CTNND2: variants seen among roughly 807,000 people sequenced by gnomAD.
CTNND2 encodes the protein catenin delta-2.
Under a neutral mutation model 144.4 loss-of-function variants are expected in CTNND2, and 22 were observed. The observed-to-expected ratio is 0.15, with a 90% CI of 0.11 to 0.22. CTNND2 has a LOEUF of 0.22. Among genes scored for constraint, CTNND2 ranks in the 10% least tolerant of loss-of-function variants. CTNND2 has a pLI of 1.00. For missense variants in CTNND2, 1,353 were observed against 1,618.8 expected, an observed-to-expected ratio of 0.84 and a Z score of 2.82; for synonymous variants, 751 against 695.6, an observed-to-expected ratio of 1.08 and a Z score of -1.25.
chr5:11,274,593 T>TA (rs1342034631), intron 9 of CTNND2, among the ~76,000 whole-genome samples: 24 of 150,594 alleles, frequency 1.6e-4, no homozygotes, highest in South Asian at 8.4e-4. Flanking sequence ...TTTTTTTTTT[T>TA]AAAAAGGCAA....
At chr5:11,361,108 T>C (rs574937051) in intron 8 of CTNND2, among the ~76,000 whole-genome samples, 40 of 152,186 alleles carry the variant, frequency 2.6e-4, no homozygotes, top group African/African-American at 8.7e-4. Flanking sequence ...GCAACCTCCA[T>C]CTCCTGGCTT....
chr5:11,154,551 T>C (rs1183093987), intron 12 of CTNND2, among the ~76,000 whole-genome samples: 1 of 152,192 alleles, frequency 6.6e-6, no homozygotes. Context: ...CTCTGAGTTG[T>C]CTATCTCCTC....
intron 9 of CTNND2, among the ~76,000 whole-genome samples, chr5:11,307,757 A>G (rs1750401695): frequency 6.6e-6 from 1 of 152,220 alleles, no homozygotes; most frequent in South Asian, 2.1e-4. Flanking sequence ...TTAGACTCAT[A>G]GTGCTGCCTG....
In CTNND2 at chr5:11,657,046, T is replaced by C. The variant is rs111354681; in HGVS notation, c.174+75090A>G. Among the ~76,000 whole-genome samples the C allele has an allele frequency of 9.1e-3, 1,384 of 152,190 alleles. 12 individuals are homozygous for C. Among genetic ancestry groups the C allele is most frequent in the Non-Finnish European group, 0.015 (1,031 of 68,002 alleles). ...GACCAAGAAAATAAAACTTGAAGAA[T>C]GTGTCTCAACAGCTTGTAAGTCAAG... On this transcript the variant is annotated intron_variant, in intron 2 of 21. Transcript: ENST00000304623.
chr5:11,546,036 G>C (rs1248031008), intron 3 of CTNND2, among the ~76,000 whole-genome samples: 4 of 152,088 alleles, frequency 2.6e-5, no homozygotes, highest in Non-Finnish European at 5.9e-5. Flanking sequence ...TTGAAAACAT[G>C]ATGCTAAGTG....
chr5:11,742,093 G>T lies in CTNND2; in HGVS notation c.38-9821C>A, dbSNP rs1302972792. On this transcript the variant is annotated intron_variant, in intron 1 of 21. Transcript: ENST00000304623. ...TGAGGGATAAAAGACTACACATTGG[G>T]TACAGTGTATACTGCTTGGGTGATG... Among the ~76,000 whole-genome samples the T allele has an allele frequency of 2.6e-5, 4 of 152,026 alleles. No homozygotes were observed. The East Asian group carries it at 7.7e-4, about 29-fold the overall frequency.
chr5:11,575,874 C>T (rs1016131577), intron 2 of CTNND2, among the ~76,000 whole-genome samples: 1 of 152,086 alleles, frequency 6.6e-6, no homozygotes, highest in Non-Finnish European at 1.5e-5. Context: ...TTTCTCTGAA[C>T]AAGCTCATCC....
At chr5:11,784,212 G>T (rs1386852309) in intron 1 of CTNND2, among the ~76,000 whole-genome samples, 1 of 152,136 alleles carries the variant, frequency 6.6e-6, no homozygotes, top group African/African-American at 2.4e-5. Context: ...AAACACACAG[G>T]CACAACATCA....
At chr5:11,367,765 G>A (rs979038201) in intron 7 of CTNND2, among the ~76,000 whole-genome samples, 1 of 152,092 alleles carries the variant, frequency 6.6e-6, no homozygotes, top group African/African-American at 2.4e-5. Context: ...AGACCCTGCA[G>A]GATGGCAAAG....
intron 10 of CTNND2, among the ~76,000 whole-genome samples, chr5:11,212,979 A>G (rs913422824): frequency 6.6e-6 from 1 of 152,246 alleles, no homozygotes; most frequent in Non-Finnish European, 1.5e-5. Context: ...AGACATGAGA[A>G]CAAATTTGAG....
In CTNND2 at chr5:11,524,265, C is replaced by T. The variant is rs1453553966; in HGVS notation, c.287+40679G>A. 2.0e-5 allele frequency among the ~76,000 whole-genome samples: 3 copies of T among 152,290 alleles called. No homozygotes were observed. The South Asian group carries it at 6.2e-4, about 32-fold the overall frequency. The stretch of plus-strand genomic sequence containing the variant: ...AAGACAGCGTGTGCCCTTTCACCTC[C>T]TAACAAAACAGTCATTTGAATTGTT... On this transcript the variant is annotated intron_variant, in intron 3 of 21. Coordinates refer to ENST00000304623, the MANE Select transcript of CTNND2 (RefSeq NM_001332.4).
At position 11,525,081 on chromosome 5, in the gene CTNND2, T is replaced by A. The variant is rs540758956; in HGVS notation, c.287+39863A>T. Among the ~76,000 whole-genome samples the A allele has an allele frequency of 1.6e-4, 25 of 152,322 alleles. 1 individual carries two copies. The South Asian group carries it at 4.8e-3, about 29-fold the overall frequency. On this transcript the variant is annotated intron_variant, in intron 3 of 21. Coordinates refer to ENST00000304623, the MANE Select transcript of CTNND2 (RefSeq NM_001332.4). ...AGTCATTTTTGTGTTTATTGTAAGA[T>A]AACCTTTCCCCAGTGGCAGCCAGCA...
chr5:11,291,256 T>C (rs1014595038), intron 9 of CTNND2, among the ~76,000 whole-genome samples: 1 of 151,988 alleles, frequency 6.6e-6, no homozygotes, highest in Non-Finnish European at 1.5e-5. Flanking sequence ...TTTTCTTTTC[T>C]TTTTTTTCAA....
chr5:11,433,071 C>T (rs757298042), intron 3 of CTNND2, among the ~76,000 whole-genome samples: 12 of 152,156 alleles, frequency 7.9e-5, no homozygotes, highest in East Asian at 3.9e-4. Context: ...GGTGAAACCT[C>T]GTCTTTACTA....
chr5:11,079,340 T>G (rs1749300239), intron 16 of CTNND2, among the ~76,000 whole-genome samples: 1 of 152,196 alleles, frequency 6.6e-6, no homozygotes, highest in South Asian at 2.1e-4. Flanking sequence ...TTCTGTTCCC[T>G]GCATTCAGGC....
At chr5:11,043,465 G>A (rs1480363109) in intron 16 of CTNND2, among the ~76,000 whole-genome samples, 3 of 151,938 alleles carry the variant, frequency 2.0e-5, no homozygotes, top group Admixed American at 1.3e-4. Flanking sequence ...TTGTATTTGC[G>A]CTATACTAAA....
At chr5:11,481,793 A>C (rs1036918133) in intron 3 of CTNND2, among the ~76,000 whole-genome samples, 17 of 152,292 alleles carry the variant, frequency 1.1e-4, no homozygotes, top group African/African-American at 4.1e-4. Flanking sequence ...GGGAAAAAAA[A>C]ATTGATTCCT....
At chr5:11,728,868 T>G (rs1787170028) in intron 2 of CTNND2, among the ~76,000 whole-genome samples, 1 of 152,150 alleles carries the variant, frequency 6.6e-6, no homozygotes, top group South Asian at 2.1e-4. Context: ...TGCTAACTAC[T>G]TGAAGGCCAA....
At chr5:11,524,225 C>G (rs1773013536) in intron 3 of CTNND2, among the ~76,000 whole-genome samples, 1 of 152,144 alleles carries the variant, frequency 6.6e-6, no homozygotes, top group Non-Finnish European at 1.5e-5. Flanking sequence ...GACTCTTCAG[C>G]CTTTGCAGAC....
Sources: allele counts gnomAD v4.1 joint callset (sites outside exome capture counted in the v4.1 genomes callset), GRCh38; gene constraint gnomAD v4.1.1; transcripts MANE v1.5; gene names NCBI Gene and HGNC (gene_info 2026-07-23, HGNC 2026-07-21).